PDE7B: variants seen among roughly 807,000 people sequenced by gnomAD.
The protein encoded by PDE7B is 3',5'-cyclic-AMP phosphodiesterase 7B.
Under a neutral mutation model 56.2 loss-of-function variants are expected in PDE7B, and 29 were observed. The observed-to-expected ratio is 0.52, with a 90% CI of 0.38 to 0.70. The LOEUF (loss-of-function observed/expected upper bound fraction) is 0.70, where lower values mean the gene tolerates loss of function less well. Ranked by LOEUF, PDE7B falls within the 30% of genes least tolerant of loss-of-function variation. The pLI is 0.00. For synonymous variants in PDE7B, 197 were observed against 196.9 expected (o/e 1.00, Z 0.00); for missense variants, 490 against 565.0 (o/e 0.87, Z 1.35).
At chr6:135,967,184 C>A (rs1254678218) in intron 2 of PDE7B, among the ~76,000 whole-genome samples, 1 of 152,160 alleles carries the variant, frequency 6.6e-6, no homozygotes. Flanking sequence ...AGTCTGGAGA[C>A]TTGATTTTAT....
rs982226110 is a variant in PDE7B, at chr6:135,927,085, G to A, written c.22-20379G>A. Among the ~76,000 whole-genome samples the A allele has an allele frequency of 5.3e-5, 8 of 152,206 alleles. No homozygotes were observed. In the East Asian group the frequency reaches 5.8e-4, roughly 11 times the overall value. On this transcript the variant is annotated intron_variant, in intron 1 of 12. Coordinates refer to ENST00000308191, the MANE Select transcript of PDE7B (RefSeq NM_018945.4). The stretch of plus-strand genomic sequence containing the variant: ...AATGAGCTTTTTCTGGAGAAAATGC[G>A]TTTCTTCTTCACAAACAATACATTT...
At chr6:136,131,155 A>G (rs1778111023) in intron 3 of PDE7B, among the ~76,000 whole-genome samples, 1 of 152,222 alleles carries the variant, frequency 6.6e-6, no homozygotes, top group African/African-American at 2.4e-5. Flanking sequence ...ACAAAAAACA[A>G]ATAGCCAATT....
At chr6:136,098,149 A>AAAAAATATAT (rs1311774244) in intron 2 of PDE7B, 13 of 135,470 alleles carry the variant, frequency 9.6e-5, no homozygotes, top group African/African-American at 3.6e-4. Flanking sequence ...GGGGGGGGGA[A>AAAAAATATAT]ATATATGTAT....
At chr6:136,099,371 A>C (rs1434392148) in intron 2 of PDE7B, among the ~76,000 whole-genome samples, 1 of 152,178 alleles carries the variant, frequency 6.6e-6, no homozygotes, top group African/African-American at 2.4e-5. Flanking sequence ...ACAATGGTTG[A>C]ACTAGTTTAC....
At chr6:136,034,767 G>C in intron 2 of PDE7B, 1 of 165,778 alleles carries the variant, frequency 6.0e-6, no homozygotes. Context: ...CCTGCTCATT[G>C]TCAGTAAGAA....
At chr6:135,899,300 A>G (rs1775957073) in intron 1 of PDE7B, among the ~76,000 whole-genome samples, 1 of 151,942 alleles carries the variant, frequency 6.6e-6, no homozygotes, top group African/African-American at 2.4e-5. Flanking sequence ...TAATAATAAG[A>G]CGGCCATTTT....
chr6:136,183,964 C>T (rs186958694), intron 11 of PDE7B, among the ~76,000 whole-genome samples: 1 of 152,304 alleles, frequency 6.6e-6, no homozygotes, highest in East Asian at 1.9e-4. Context: ...CCATATATCT[C>T]CCTCCTCTCC....
chr6:135,878,323 C>T (rs1033744562), intron 1 of PDE7B, among the ~76,000 whole-genome samples: 6 of 151,762 alleles, frequency 4.0e-5, no homozygotes, highest in African/African-American at 7.3e-5. Context: ...GGTCTGCTTA[C>T]GTCAGTGCTC....
At chr6:136,055,853 G>A (rs1012613619) in intron 2 of PDE7B, among the ~76,000 whole-genome samples, 1 of 152,196 alleles carries the variant, frequency 6.6e-6, no homozygotes, top group Admixed American at 6.5e-5. Context: ...CAGCAGAAAC[G>A]AAACAAGGTT....
At chr6:136,019,598 G>C (rs1044376520) in intron 2 of PDE7B, among the ~76,000 whole-genome samples, 2 of 152,112 alleles carry the variant, frequency 1.3e-5, no homozygotes, top group Admixed American at 6.6e-5. Context: ...TGAATAATGA[G>C]GGGGTTAGGA....
At chr6:136,060,200 T>C (rs570526584) in intron 2 of PDE7B, among the ~76,000 whole-genome samples, 3 of 152,346 alleles carry the variant, frequency 2.0e-5, no homozygotes, top group African/African-American at 7.2e-5. Context: ...TTTTCCTGAA[T>C]AAGGATGATT....
chr6:136,089,379 T>A (rs1777347684), intron 2 of PDE7B, among the ~76,000 whole-genome samples: 2 of 152,192 alleles, frequency 1.3e-5, no homozygotes, highest in Admixed American at 1.3e-4. Context: ...AAATAAATGG[T>A]TCCATGCTAT....
At chr6:136,129,298 G>A (rs1778075872) in intron 3 of PDE7B, among the ~76,000 whole-genome samples, 1 of 152,162 alleles carries the variant, frequency 6.6e-6, no homozygotes, top group Admixed American at 6.5e-5. Flanking sequence ...ACAGCAATAG[G>A]ATGGTGCTAA....
At chr6:136,110,124 G>T (rs1777717530) in intron 3 of PDE7B, among the ~76,000 whole-genome samples, 1 of 151,790 alleles carries the variant, frequency 6.6e-6, no homozygotes. Flanking sequence ...GTTTTTTTTA[G>T]CACTTTCAGG....
At chr6:135,977,671 C>G (rs1214203338) in intron 2 of PDE7B, among the ~76,000 whole-genome samples, 1 of 151,910 alleles carries the variant, frequency 6.6e-6, no homozygotes. Context: ...AGGCCAAGAA[C>G]AGGAGCAATA....
chr6:136,035,488 A>G (rs577692706), intron 2 of PDE7B, among the ~76,000 whole-genome samples: 24 of 152,326 alleles, frequency 1.6e-4, no homozygotes, highest in African/African-American at 5.8e-4. Context: ...GATTTCCTGT[A>G]CTTCCTGTTT....
At chr6:135,994,936 T>A (rs1414146261) in intron 2 of PDE7B, among the ~76,000 whole-genome samples, 1 of 152,100 alleles carries the variant, frequency 6.6e-6, no homozygotes, top group Non-Finnish European at 1.5e-5. Context: ...TAGGGCTCAG[T>A]TTTTATCTTT....
chr6:135,949,692 T>C (rs753344092), intron 2 of PDE7B, among the ~76,000 whole-genome samples: 1 of 152,160 alleles, frequency 6.6e-6, no homozygotes, highest in Non-Finnish European at 1.5e-5. Flanking sequence ...ATACTGGTTA[T>C]TAACCTTGTA....
chr6:136,052,552 A>G (rs1231256939), intron 2 of PDE7B, among the ~76,000 whole-genome samples: 1 of 151,816 alleles, frequency 6.6e-6, no homozygotes, highest in Non-Finnish European at 1.5e-5. Flanking sequence ...GAGTGCAGCC[A>G]TGTGGGAAAA....
Sources: gnomAD v4.1 joint callset for allele counts (sites outside exome capture counted in the v4.1 genomes callset) on GRCh38, gnomAD v4.1.1 for gene constraint, MANE v1.5 for transcripts, NCBI Gene and HGNC (gene_info 2026-07-23, HGNC 2026-07-21) for gene names.